The following GALNT14 variants were observed in gnomAD, a reference collection of about 807,000 sequenced individuals.
GALNT14 encodes polypeptide N-acetylgalactosaminyltransferase 14, also known as UDP-GalNAc:polypeptide N-acetylgalactosaminyltransferase 14.
A neutral mutation model predicts 77.5 loss-of-function variants in GALNT14; 60 were observed. The ratio of observed to expected loss-of-function variants is 0.77; its 90% confidence interval spans 0.63 to 0.96. GALNT14 has a LOEUF of 0.96. Ranked by LOEUF, GALNT14 falls within the 40% of genes least tolerant of loss-of-function variation. GALNT14 has a pLI of 0.00. For missense variants in GALNT14, 710 were observed against 731.0 expected (o/e 0.97, Z 0.33); for synonymous variants, 280 against 281.7 (o/e 0.99, Z 0.06).
intron 1 of GALNT14, among the ~76,000 whole-genome samples, chr2:31,064,269 G>A (rs557698079): frequency 2.6e-5 from 4 of 152,352 alleles, no homozygotes; most frequent in Admixed American, 1.3e-4. Context: ...CTCTGCCCAC[G>A]CAGCTGTCAC....
chr2:30,897,620 CTT>C, the GALNT14 span, among the ~76,000 whole-genome samples: 1 of 152,226 alleles, frequency 6.6e-6, no homozygotes, highest in Non-Finnish European at 1.5e-5. Flanking sequence ...CCTCCAGGTC[CTT>C]TTGTGGTGTC....
chr2:30,928,766 G>A (rs866027590), intron 11 of GALNT14, among the ~76,000 whole-genome samples: 69 of 152,054 alleles, frequency 4.5e-4, no homozygotes, highest in African/African-American at 1.5e-3. Flanking sequence ...ACAGGTGCCC[G>A]CCACCATGCC....
intron 1 of GALNT14, among the ~76,000 whole-genome samples, chr2:31,064,338 A>T (rs1674798456): frequency 6.6e-6 from 1 of 152,236 alleles, no homozygotes; most frequent in South Asian, 2.1e-4. Flanking sequence ...ATAAGATGGT[A>T]AATTTTTAAA....
the GALNT14 span, among the ~76,000 whole-genome samples, chr2:30,901,213 A>C: frequency 6.6e-6 from 1 of 152,186 alleles, no homozygotes; most frequent in East Asian, 1.9e-4. Context: ...CTCCTGCTGA[A>C]AATGAGCTCA....
intron 1 of GALNT14, among the ~76,000 whole-genome samples, chr2:31,041,366 G>T (rs902162324): frequency 6.6e-6 from 1 of 152,166 alleles, no homozygotes; most frequent in Non-Finnish European, 1.5e-5. Flanking sequence ...GACAGAGAAG[G>T]CTCTAAAGAA....
At chr2:31,063,509 G>C (rs528141128) in intron 1 of GALNT14, among the ~76,000 whole-genome samples, 1 of 152,234 alleles carries the variant, frequency 6.6e-6, no homozygotes, top group East Asian at 1.9e-4. Flanking sequence ...CTCCAGCTTT[G>C]TACTTTTTGC....
chr2:30,965,941 C>T (rs1260443145), intron 3 of GALNT14, among the ~76,000 whole-genome samples: 1 of 152,150 alleles, frequency 6.6e-6, no homozygotes, highest in Admixed American at 6.5e-5. Context: ...GGCTCTGAGG[C>T]TGCTTCTTCT....
intron 13 of GALNT14, among the ~76,000 whole-genome samples, chr2:30,921,438 C>A (rs1281631956): frequency 6.6e-6 from 1 of 152,194 alleles, no homozygotes; most frequent in East Asian, 1.9e-4. Context: ...GGCAGTCACG[C>A]CTTAAGCAAA....
At chr2:31,037,496 A>T (rs146906753) in intron 1 of GALNT14, among the ~76,000 whole-genome samples, 2,825 of 152,328 alleles carry the variant, frequency 0.019, 44 homozygotes, top group Non-Finnish European at 0.026. Context: ...GTAAGCTTCC[A>T]TATGGACAGT....
intron 1 of GALNT14, among the ~76,000 whole-genome samples, chr2:31,057,004 T>C (rs1244270036): frequency 1.3e-5 from 2 of 152,200 alleles, no homozygotes; most frequent in Non-Finnish European, 1.5e-5. Context: ...CTGGAGGCCA[T>C]TAACCTCAGC....
At chr2:31,054,690 C>T (rs75041788) in intron 1 of GALNT14, among the ~76,000 whole-genome samples, 320 of 152,336 alleles carry the variant, frequency 2.1e-3, no homozygotes, top group African/African-American at 7.2e-3. Flanking sequence ...GCCTAACAGG[C>T]TTCATTTGTT....
At chr2:30,938,088 T>C (rs1234259431) in intron 9 of GALNT14, among the ~76,000 whole-genome samples, 1 of 137,912 alleles carries the variant, frequency 7.3e-6, no homozygotes, top group Non-Finnish European at 1.5e-5. Flanking sequence ...GAGCCTGGCA[T>C]AGCCTGGTGT....
intron 1 of GALNT14, among the ~76,000 whole-genome samples, chr2:31,126,388 C>T (rs1417643661): frequency 2.0e-5 from 3 of 152,098 alleles, no homozygotes; most frequent in Non-Finnish European, 4.4e-5. Flanking sequence ...GCAGACAGAC[C>T]TGGTTTGGAA....
intron 1 of GALNT14, among the ~76,000 whole-genome samples, chr2:31,083,517 C>A (rs538262918): frequency 6.6e-6 from 1 of 152,104 alleles, no homozygotes; most frequent in Non-Finnish European, 1.5e-5. Context: ...AGGATCTGGC[C>A]GTGTCTGGGT....
intron 1 of GALNT14, among the ~76,000 whole-genome samples, chr2:31,052,548 C>T (rs1413148826): frequency 6.6e-6 from 1 of 152,216 alleles, no homozygotes; most frequent in Non-Finnish European, 1.5e-5. Flanking sequence ...TTCCTCTGCT[C>T]AGCCAAGACA....
intron 9 of GALNT14, among the ~76,000 whole-genome samples, chr2:30,941,204 G>A (rs554230291): frequency 6.6e-6 from 1 of 152,196 alleles, no homozygotes; most frequent in African/African-American, 2.4e-5. Context: ...GAAGGGTCCT[G>A]ACACTTTGGG....
At chr2:30,909,873 T>C (rs980925085), downstream of GALNT14, among the ~76,000 whole-genome samples, 2 of 151,792 alleles carry the variant, frequency 1.3e-5, no homozygotes, top group Non-Finnish European at 2.9e-5. Flanking sequence ...TGGAATACTA[T>C]GCAGCCATAA....
chr2:30,892,483 T>A, the GALNT14 span, among the ~76,000 whole-genome samples: 2 of 152,132 alleles, frequency 1.3e-5, no homozygotes, highest in African/African-American at 4.8e-5. Context: ...CAGAGGACAA[T>A]AAAACAATTT....
chr2:30,934,267 G>C (rs538107985), intron 9 of GALNT14, among the ~76,000 whole-genome samples: 1 of 152,152 alleles, frequency 6.6e-6, no homozygotes, highest in African/African-American at 2.4e-5. Flanking sequence ...GGTGCGTGGA[G>C]TTGTGTCAGC....
Sources: gnomAD v4.1 joint callset for allele counts (sites outside exome capture counted in the v4.1 genomes callset) on GRCh38, gnomAD v4.1.1 for gene constraint, MANE v1.5 for transcripts, NCBI Gene and HGNC (gene_info 2026-07-23, HGNC 2026-07-21) for gene names.